The following ZFP1 variants were observed in gnomAD, a reference collection of about 807,000 sequenced individuals.
ZFP1 encodes the protein ZFP1 zinc finger protein.
Under a neutral mutation model 38.5 loss-of-function variants are expected in ZFP1, and 32 were observed. The observed-to-expected ratio is 0.83, with a 90% confidence interval of 0.63 to 1.12. The LOEUF is 1.12. ZFP1 is among the 50% of genes most tolerant of loss of function. The pLI is 0.00. For missense variants in ZFP1, 616 were observed against 480.8 expected, an observed-to-expected ratio of 1.28 and a Z score of -2.63; for synonymous variants, 245 against 168.8, an observed-to-expected ratio of 1.45 and a Z score of -3.50.
At chr16:75,140,226 C>T in the ZFP1 span, among the ~76,000 whole-genome samples, 9 of 151,586 alleles carry the variant, frequency 5.9e-5, no homozygotes, top group Non-Finnish European at 1.3e-4. Flanking sequence ...TGAGATCACG[C>T]CATTGCACTC....
intron 2 of ZFP1, among the ~76,000 whole-genome samples, chr16:75,161,744 A>C: frequency 1.0e-5 from 1 of 98,302 alleles, no homozygotes; most frequent in African/African-American, 4.0e-5. Flanking sequence ...AATAAAGCAT[A>C]GTAGTTTTAT....
At chr16:75,134,995 G>T in the ZFP1 span, among the ~76,000 whole-genome samples, 1 of 150,094 alleles carries the variant, frequency 6.7e-6, no homozygotes, top group Admixed American at 6.7e-5. Flanking sequence ...CGGTGTTTGC[G>T]ATAAGCTGAG....
chr16:75,150,591 A>G (rs957157042), intron 1 of ZFP1, among the ~76,000 whole-genome samples: 3 of 152,050 alleles, frequency 2.0e-5, no homozygotes, highest in African/African-American at 7.3e-5. Flanking sequence ...AATTTCAATT[A>G]TTTTAAATTT....
intron 2 of ZFP1, among the ~76,000 whole-genome samples, chr16:75,165,111 A>T (rs1041153852): frequency 6.6e-6 from 1 of 151,988 alleles, no homozygotes; most frequent in Non-Finnish European, 1.5e-5. Flanking sequence ...GGCCTCCATA[A>T]ATCGAGTTTT....
chr16:75,149,620 C>A (rs1380835397), intron 1 of ZFP1, among the ~76,000 whole-genome samples: 1 of 125,232 alleles, frequency 8.0e-6, no homozygotes, highest in African/African-American at 3.0e-5. Context: ...AGTGCAGTGG[C>A]TTGATCTCGG....
At chr16:75,123,805 G>A in the ZFP1 span, among the ~76,000 whole-genome samples, 1 of 149,938 alleles carries the variant, frequency 6.7e-6, no homozygotes, top group East Asian at 2.1e-4. Flanking sequence ...AAAAAGTTGT[G>A]TCCCAGCCAG....
In ZFP1 at chr16:75,171,659, T is replaced by G. The variant is rs1329455031; in HGVS notation, c.*1325T>G. 1 of 152,240 alleles carries G rather than the reference T, an allele frequency of 6.6e-6. No individual in the cohort carries two copies. Among genetic ancestry groups the G allele is most frequent in the African/African-American group, 2.4e-5 (1 of 41,474 alleles). 9.4% of individuals were successfully genotyped at this position (152,240 alleles called of 1,614,324 possible). A position where few individuals can be genotyped will look rare whatever the true frequency, so the allele number is the denominator to read the frequency against. On this transcript the variant is annotated 3_prime_UTR_variant, in exon 4 of 4. Coordinates refer to ENST00000570010, the MANE Select transcript of ZFP1 (RefSeq NM_153688.4). ...TTCCCTATCAATCACAAATCATGTA[T>G]TGGAAATTATAAATGGCAACCAAAA...
At position 75,171,453 on chromosome 16, in the gene ZFP1, G is replaced by T. The variant is rs566739775; in HGVS notation, c.*1119G>T. 4 of 152,248 alleles carry T rather than the reference G, an allele frequency of 2.6e-5. No homozygotes were observed. Among genetic ancestry groups the T allele is most frequent in the Non-Finnish European group, 4.4e-5 (3 of 68,020 alleles). The allele number at this position is 152,248 out of a possible 1,614,324, so 9.4% of individuals were successfully genotyped here. ...CATTTCTACTTCCTTGAGTTTTGCT[G>T]TTGCCAACCTAAAACATTTCCCTTT... On this transcript the variant is annotated 3_prime_UTR_variant, in exon 4 of 4. Coordinates refer to ENST00000570010, the MANE Select transcript of ZFP1 (RefSeq NM_153688.4).
chr16:75,142,800 C>G, the ZFP1 span, among the ~76,000 whole-genome samples: 1 of 152,202 alleles, frequency 6.6e-6, no homozygotes, highest in Admixed American at 6.5e-5. Context: ...CCTCCAGGGT[C>G]AAGTGATTCT....
chr16:75,165,699 GTTTTGTTATATGCTGAGTA>G (rs963372462), intron 2 of ZFP1, among the ~76,000 whole-genome samples: 1 of 151,988 alleles, frequency 6.6e-6, no homozygotes, highest in African/African-American at 2.4e-5. Context: ...TTTTAAATCA[GTTTTGTTATATGCTGAGTA>G]TTTTTTTTTT....
chr16:75,167,007 CAGGTATT>C, intron 3 of ZFP1, 111 bp downstream of exon 3: 1 of 1,514,170 alleles, frequency 6.6e-7, no homozygotes, highest in Admixed American at 2.2e-5. Flanking sequence ...CCTAAGTCCT[CAGGTATT>C]AAACCTGAGA....
At chr16:75,168,282 A>G (rs1042409874) in intron 3 of ZFP1, among the ~76,000 whole-genome samples, 1 of 152,206 alleles carries the variant, frequency 6.6e-6, no homozygotes, top group African/African-American at 2.4e-5. Flanking sequence ...TAGCCTTGCC[A>G]GTATCTGTTG....
Position 75,171,533 on chromosome 16 carries a change from A to T in ZFP1, c.*1199A>T, listed in dbSNP as rs1408010164. On this transcript the variant is annotated 3_prime_UTR_variant, in exon 4 of 4. Transcript: ENST00000570010. ...CTTTACATGTTTACACTTTTATAAA[A>T]ATCAGATTTTTCAGTGGTCTCTCCA... 6.6e-6 allele frequency: 1 copy of T among 152,204 alleles called. No individual in the cohort carries two copies. Among genetic ancestry groups the T allele is most frequent in the African/African-American group, 2.4e-5 (1 of 41,440 alleles). The allele number at this position is 152,204 out of a possible 1,614,324, so 9.4% of individuals were successfully genotyped here. A position where few individuals can be genotyped will look rare whatever the true frequency, so the allele number is the denominator to read the frequency against.
At chr16:75,136,201 T>C in the ZFP1 span, among the ~76,000 whole-genome samples, 1 of 152,206 alleles carries the variant, frequency 6.6e-6, no homozygotes, top group African/African-American at 2.4e-5. Flanking sequence ...TAACTTTTTC[T>C]TTCTAAATGT....
intron 3 of ZFP1, 68 bp downstream of exon 3, chr16:75,166,964 G>C (rs954372849): frequency 2.0e-5 from 31 of 1,547,876 alleles, no homozygotes; most frequent in Non-Finnish European, 2.7e-5. Context: ...TCAGTGACCA[G>C]AAATGAGCTT....
the ZFP1 span, among the ~76,000 whole-genome samples, chr16:75,128,137 G>T: frequency 1.3e-5 from 2 of 152,030 alleles, no homozygotes; most frequent in Admixed American, 6.6e-5. Flanking sequence ...TTGAAAAACT[G>T]GCCTCATACC....
Position 75,170,608 on chromosome 16 carries a change from T to C in ZFP1, c.*274T>C. 2.9e-6 allele frequency: 1 copy of C among 339,696 alleles called. No individual in the cohort carries two copies. The highest frequency in any genetic ancestry group is 2.1e-5 in the African/African-American group (1 of 47,914). The allele number at this position is 339,696 out of a possible 1,614,324, so 21.0% of individuals were successfully genotyped here. A position where few individuals can be genotyped will look rare whatever the true frequency, so the allele number is the denominator to read the frequency against. Reference sequence around the variant, plus strand: ...TTTAAAATCTTGAATGAATTGAGTATTCTAGACAGCAGCATAAGAAATATA... The same window carrying C: ...TTTAAAATCTTGAATGAATTGAGTACTCTAGACAGCAGCATAAGAAATATA... On this transcript the variant is annotated 3_prime_UTR_variant, in exon 4 of 4. Coordinates refer to ENST00000570010, the MANE Select transcript of ZFP1 (RefSeq NM_153688.4).
upstream of ZFP1, among the ~76,000 whole-genome samples, chr16:75,146,832 T>G (rs1397441488): frequency 6.6e-6 from 1 of 150,518 alleles, no homozygotes; most frequent in African/African-American, 2.4e-5. Context: ...TTTAGCTACT[T>G]GGGAGGCTGA....
At chr16:75,130,490 C>T in the ZFP1 span, among the ~76,000 whole-genome samples, 2 of 152,126 alleles carry the variant, frequency 1.3e-5, no homozygotes, top group Non-Finnish European at 2.9e-5. Context: ...CTGAATGTTC[C>T]TAGAAGGTCA....
Sources: allele counts gnomAD v4.1 joint callset (sites outside exome capture counted in the v4.1 genomes callset), GRCh38; gene constraint gnomAD v4.1.1; transcripts MANE v1.5; gene names NCBI Gene and HGNC (gene_info 2026-07-23, HGNC 2026-07-21).